PGBD5: variants seen among roughly 807,000 people sequenced by gnomAD.
The protein encoded by PGBD5 is piggyBac transposable element-derived protein 5.
PGBD5 carries 14 observed loss-of-function variants against 47.9 expected under a neutral mutation model. The observed-to-expected ratio is 0.29, with a 90% CI of 0.19 to 0.46. The LOEUF is 0.46. Among genes scored for constraint, PGBD5 ranks in the 20% least tolerant of loss-of-function variants. PGBD5 has a pLI of 1.00. For synonymous variants in PGBD5, 316 were observed against 306.3 expected (o/e 1.03, Z -0.33); for missense variants, 635 against 716.0 (o/e 0.89, Z 1.29).
chr1:230,416,712 G>C (rs1468671436), intron 1 of PGBD5, among the ~76,000 whole-genome samples: 2 of 152,222 alleles, frequency 1.3e-5, no homozygotes, highest in African/African-American at 4.8e-5. Context: ...ACAATAGAGA[G>C]GAAGACCAGG....
At chr1:230,332,027 A>ATGC (rs368746510) in intron 5 of PGBD5, among the ~76,000 whole-genome samples, 4 of 146 alleles carry the variant, frequency 0.027, no homozygotes, top group Non-Finnish European at 0.071. Flanking sequence ...CACACACACC[A>ATGC]CACACACACC....
chr1:230,383,086 T>C (rs1656551917), intron 1 of PGBD5, among the ~76,000 whole-genome samples: 1 of 152,170 alleles, frequency 6.6e-6, no homozygotes, highest in Non-Finnish European at 1.5e-5. Context: ...ATGTAAATAT[T>C]TGAGACAAGG....
intron 2 of PGBD5, among the ~76,000 whole-genome samples, chr1:230,355,362 A>C (rs1397500422): frequency 6.6e-6 from 1 of 152,210 alleles, no homozygotes; most frequent in Non-Finnish European, 1.5e-5. Context: ...CTGGACTTAC[A>C]CTGCAGATAC....
intron 2 of PGBD5, among the ~76,000 whole-genome samples, chr1:230,351,775 C>A (rs914961778): frequency 6.6e-6 from 1 of 152,112 alleles, no homozygotes; most frequent in Non-Finnish European, 1.5e-5. Context: ...TTGTCATGAC[C>A]TTTCTGACAA....
intron 1 of PGBD5, among the ~76,000 whole-genome samples, chr1:230,392,720 C>A (rs1656819459): frequency 1.3e-5 from 2 of 152,148 alleles, no homozygotes; most frequent in Admixed American, 1.3e-4. Context: ...CCAAGGAAAT[C>A]CCCCGTGCGG....
At chr1:230,416,123 G>A (rs1657507806) in intron 1 of PGBD5, among the ~76,000 whole-genome samples, 1 of 152,168 alleles carries the variant, frequency 6.6e-6, no homozygotes, top group South Asian at 2.1e-4. Context: ...CCTATCTTGG[G>A]TGTCTCTGGG....
intron 2 of PGBD5, 52 bp from the exon 3 acceptor site, chr1:230,351,144 G>A (rs1667555556): frequency 1.3e-6 from 2 of 1,551,248 alleles, no homozygotes; most frequent in African/African-American, 1.4e-5. Context: ...ATGAGCTTGA[G>A]GGCTCATCAG....
intron 5 of PGBD5, among the ~76,000 whole-genome samples, chr1:230,326,767 G>A (rs779935122): frequency 1.5e-4 from 23 of 152,102 alleles, no homozygotes; most frequent in Non-Finnish European, 2.5e-4. Flanking sequence ...GAGCCTCCAC[G>A]CGCAGCCAAA....
chr1:230,328,773 T>C (rs1667163479), intron 5 of PGBD5, among the ~76,000 whole-genome samples: 1 of 152,330 alleles, frequency 6.6e-6, no homozygotes, highest in South Asian at 2.1e-4. Flanking sequence ...ACCTGACTCA[T>C]ATTCATATGC....
intron 1 of PGBD5, among the ~76,000 whole-genome samples, chr1:230,393,537 C>A (rs1656842281): frequency 6.6e-6 from 1 of 152,120 alleles, no homozygotes; most frequent in Admixed American, 6.5e-5. Context: ...TCAGAAGGAG[C>A]TCAGAAAAGA....
intron 1 of PGBD5, among the ~76,000 whole-genome samples, chr1:230,371,688 C>T (rs1327053727): frequency 3.3e-5 from 5 of 152,168 alleles, no homozygotes; most frequent in Non-Finnish European, 7.3e-5. Flanking sequence ...GTGAAGGGAA[C>T]ACTGACCTTA....
rs572732533 is a variant in PGBD5, at chr1:230,372,036, C to T, written c.332-14715G>A. Among the ~76,000 whole-genome samples the T allele has an allele frequency of 4.5e-4, 68 of 152,284 alleles. 1 individual carries two copies. Among genetic ancestry groups the T allele is most frequent in the Admixed American group, 2.2e-3 (33 of 15,296 alleles). On this transcript the variant is annotated intron_variant, in intron 1 of 6. Coordinates refer to ENST00000391860, the MANE Select transcript of PGBD5 (RefSeq NM_001258311.2). ...CCTACCCAACCAACACTCAGTGGCC[C>T]GTATCATCTAAGCGTTCCAATACAG... is the stretch of plus-strand genomic sequence containing the variant.
intron 5 of PGBD5, among the ~76,000 whole-genome samples, chr1:230,326,141 C>T (rs1010042047): frequency 2.0e-5 from 3 of 152,234 alleles, no homozygotes; most frequent in African/African-American, 7.2e-5. Flanking sequence ...AAGGAGGCTG[C>T]GCACGGTGGC....
intron 5 of PGBD5, among the ~76,000 whole-genome samples, chr1:230,331,337 G>A (rs907222661): frequency 6.6e-6 from 1 of 152,090 alleles, no homozygotes; most frequent in African/African-American, 2.4e-5. Context: ...ATTTGTTTGT[G>A]CTCAGGAATT....
intron 1 of PGBD5, among the ~76,000 whole-genome samples, chr1:230,385,285 C>A (rs11806158): frequency 0.35 from 52,962 of 152,134 alleles, 10,075 homozygotes; most frequent in Non-Finnish European, 0.43. Context: ...AGGTTTCCTT[C>A]CTACAGCAGG....
chr1:230,370,821 C>T (rs58114353), intron 1 of PGBD5, among the ~76,000 whole-genome samples: 19 of 152,330 alleles, frequency 1.2e-4, no homozygotes, highest in African/African-American at 2.2e-4. Flanking sequence ...GGAAATGGCA[C>T]GGAAAGCCAA....
Position 230,389,275 on chromosome 1 carries a change from C to A in PGBD5, c.332-31954G>T, listed in dbSNP as rs1038730014. On this transcript the variant is annotated intron_variant, in intron 1 of 6. Coordinates refer to ENST00000391860, the MANE Select transcript of PGBD5 (RefSeq NM_001258311.2). ...CGCAGCCTCTGCCTCCGGGTTCAAG[C>A]GATTCTCCTGCCTCAGCCTCCTGAG... Among the ~76,000 whole-genome samples the A allele has an allele frequency of 2.0e-5, 3 of 151,736 alleles. No homozygotes were observed. The East Asian group carries it at 5.8e-4, about 30-fold the overall frequency.
intron 1 of PGBD5, among the ~76,000 whole-genome samples, chr1:230,397,739 C>T (rs1657036259): frequency 6.6e-6 from 1 of 152,352 alleles, no homozygotes; most frequent in East Asian, 1.9e-4. Flanking sequence ...AAACACACAG[C>T]GAAGTCAGAC....
At chr1:230,372,360 A>G (rs555967745) in intron 1 of PGBD5, among the ~76,000 whole-genome samples, 13 of 152,324 alleles carry the variant, frequency 8.5e-5, no homozygotes, top group African/African-American at 2.9e-4. Context: ...GCATAACACA[A>G]CCGTTCTTGA....
Sources: gnomAD v4.1 joint callset for allele counts (sites outside exome capture counted in the v4.1 genomes callset) on GRCh38, gnomAD v4.1.1 for gene constraint, MANE v1.5 for transcripts, NCBI Gene and HGNC (gene_info 2026-07-23, HGNC 2026-07-21) for gene names.